CCT4: variants seen among roughly 807,000 people sequenced by gnomAD.
CCT4 encodes chaperonin containing TCP1 subunit 4, also known as T-complex protein 1 subunit delta.
Under a neutral mutation model 62.5 loss-of-function variants are expected in CCT4, and 17 were observed. The observed-to-expected ratio is 0.27, with a 90% CI of 0.19 to 0.41. CCT4 has a LOEUF of 0.41. CCT4 is among the 10% of genes least tolerant of loss of function. The pLI, the probability that CCT4 is intolerant of heterozygous loss-of-function variation, is 1.00. For synonymous variants in CCT4, 250 were observed against 229.9 expected, an observed-to-expected ratio of 1.09 and a Z score of -0.79; for missense variants, 592 against 659.2, an observed-to-expected ratio of 0.90 and a Z score of 1.12.
At chr2:61,869,390 T>C (rs1208273235) in intron 13 of CCT4, 50 bp downstream of exon 13, 2 of 991,552 alleles carry the variant, frequency 2.0e-6, no homozygotes, top group Non-Finnish European at 3.2e-6. Context: ...CTTTAAAAAA[T>C]ATATGCCTTT....
At chr2:61,875,903 A>G (rs545843751) in intron 8 of CCT4, among the ~76,000 whole-genome samples, 192 bp downstream of exon 8, 1 of 152,320 alleles carries the variant, frequency 6.6e-6, no homozygotes, top group South Asian at 2.1e-4. Context: ...ATGATGGTAC[A>G]ATATTGAGGC....
At chr2:61,883,799 C>CGT (rs1669171900) in intron 2 of CCT4, among the ~76,000 whole-genome samples, 6 of 148,908 alleles carry the variant, frequency 4.0e-5, no homozygotes, top group Admixed American at 4.0e-4. Context: ...CACACACACA[C>CGT]ACACACACAC....
rs35177149 is a variant in CCT4 at position 61,879,439 on chromosome 2, AT to A, written c.380-429del. Among the ~76,000 whole-genome samples the A allele has an allele frequency of 3.7e-3, 383 of 103,526 alleles. 1 individual carries two copies. The highest frequency in any genetic ancestry group is 5.1e-3 in the Non-Finnish European group (252 of 49,822). The allele number at this position is 103,526 out of a possible 152,430, so 67.9% of individuals were successfully genotyped here. On this transcript the variant is annotated intron_variant, in intron 4 of 13. Transcript: ENST00000394440. ...ACCACACCCGGCTAATTTTTTTTGTATTTTTTTTTTTTTTTTTTGGTGGAGA... is the reference window on the plus strand; with the variant it reads ...ACCACACCCGGCTAATTTTTTTTGTATTTTTTTTTTTTTTTTTGGTGGAGA...
At chr2:61,874,685 G>A (rs1668960414) in intron 8 of CCT4, among the ~76,000 whole-genome samples, 1 of 151,952 alleles carries the variant, frequency 6.6e-6, no homozygotes, top group Admixed American at 6.6e-5. Context: ...ACTATGCAGA[G>A]CATTCCCCCA....
rs575288657 is a variant in CCT4 at position 61,873,421 on chromosome 2, T to TA, written c.918-129_918-128insT. On this transcript the variant is annotated intron_variant, in intron 8 of 13. Coordinates refer to ENST00000394440, the MANE Select transcript of CCT4 (RefSeq NM_006430.4). ...TATTTCTGAAGAAAAATGCTTTAGTTTACTAAGTTCGTAAGGTCAAAATTA... is the reference window on the plus strand; with the variant it reads ...TATTTCTGAAGAAAAATGCTTTAGTTATACTAAGTTCGTAAGGTCAAAATTA... The TA allele has an allele frequency of 4.1e-4, 244 of 590,196 alleles. 1 individual carries two copies. In the African/African-American group the frequency reaches 4.2e-3, roughly 10 times the overall value. The allele number at this position is 590,196 out of a possible 1,614,324, so 36.6% of individuals were successfully genotyped here.
chr2:61,883,621 A>G, intron 2 of CCT4, 73 bp from the exon 3 acceptor site: 1 of 750,986 alleles, frequency 1.3e-6, no homozygotes, highest in East Asian at 2.7e-5. Context: ...ACATTTCAAA[A>G]TAGAGAAGTT....
intron 1 of CCT4, among the ~76,000 whole-genome samples, chr2:61,885,544 G>A (rs1669231520): frequency 6.6e-6 from 1 of 152,040 alleles, no homozygotes; most frequent in Non-Finnish European, 1.5e-5. Context: ...TGGAGTAGCT[G>A]GGACTACAGG....
intron 1 of CCT4, 42 bp downstream of exon 1, chr2:61,888,339 C>T (rs748100590): frequency 2.5e-6 from 4 of 1,597,574 alleles, no homozygotes; most frequent in Non-Finnish European, 2.6e-6. Flanking sequence ...GAGCGCAGAG[C>T]ACAACCCCGC....
chr2:61,877,691 C>T (rs6721184), intron 5 of CCT4, among the ~76,000 whole-genome samples, 177 bp from the exon 6 acceptor site: 55,685 of 151,914 alleles, frequency 0.37, 10,958 homozygotes, highest in East Asian at 0.7. Flanking sequence ...CAGGTTGTCA[C>T]CAGGGGCACA....
chr2:61,877,322 T>C, intron 6 of CCT4, 71 bp downstream of exon 6: 3 of 1,432,312 alleles, frequency 2.1e-6, no homozygotes, highest in African/African-American at 2.9e-5. Context: ...CATCTAGGTG[T>C]TTTTATTTAT....
In CCT4 at chr2:61,885,087, G is replaced by GAAA. The variant is rs35876878; in HGVS notation, c.128-18_128-16dup. On this transcript the variant is annotated splice_polypyrimidine_tract_variant and intron_variant, in intron 1 of 13. Transcript: ENST00000394440. ...ATCAGCAACCGCTGCAGATGGGGGGGAAAAAAAAGAAAACAAATTAGAACT... is the reference window on the plus strand; with the variant it reads ...ATCAGCAACCGCTGCAGATGGGGGGGAAAAAAAAAAAGAAAACAAATTAGAACT... The GAAA allele has an allele frequency of 2.1e-4, 319 of 1,512,726 alleles. 1 individual carries two copies. The highest frequency in any genetic ancestry group is 3.5e-4 in the Middle Eastern group (2 of 5,696). The allele number at this position is 1,512,726 out of a possible 1,614,324, so 93.7% of individuals were successfully genotyped here.
intron 4 of CCT4, 32 bp from the exon 5 acceptor site, chr2:61,879,043 G>C (rs775225863): frequency 2.5e-5 from 38 of 1,531,608 alleles, no homozygotes; most frequent in Non-Finnish European, 2.9e-5. Flanking sequence ...TTATTTAATT[G>C]TAACAGGTAA....
In CCT4 at chr2:61,872,028, C is replaced by A. The variant is rs945194187; in HGVS notation, c.1491+54G>T. The A allele has an allele frequency of 2.4e-5, 31 of 1,291,678 alleles. 1 individual carries two copies. Among genetic ancestry groups the A allele is most frequent in the Middle Eastern group, 2.7e-4 (1 of 3,734 alleles). 80.0% of individuals were successfully genotyped at this position (1,291,678 alleles called of 1,614,324 possible). On this transcript the variant is annotated intron_variant, in intron 12 of 13. Transcript: ENST00000394440. ...TTCCATTCAACAGATGACTACAAAG[C>A]TTTTAATATTTTAAATTAATCAATA...
At chr2:61,870,889 C>G (rs927103977) in intron 12 of CCT4, among the ~76,000 whole-genome samples, 1 of 151,952 alleles carries the variant, frequency 6.6e-6, no homozygotes, top group African/African-American at 2.4e-5. Flanking sequence ...TGCACTGCAG[C>G]CTGGGCAACA....
Position 61,874,528 on chromosome 2 carries a change from T to G in CCT4, c.918-1235A>C, listed in dbSNP as rs140658892. 9.0e-3 allele frequency among the ~76,000 whole-genome samples: 1,362 copies of G among 151,942 alleles called. 19 individuals carry two copies. The highest frequency in any genetic ancestry group is 0.031 in the African/African-American group (1,287 of 41,428). ...CAGGAGGCTGAGGAAGGAAAACTGCTTGAACCTGGGAGGCAGAGGTTGCAG... is the reference window on the plus strand; with the variant it reads ...CAGGAGGCTGAGGAAGGAAAACTGCGTGAACCTGGGAGGCAGAGGTTGCAG... On this transcript the variant is annotated intron_variant, in intron 8 of 13. Transcript: ENST00000394440.
Position 61,883,773 on chromosome 2 carries a change from G to GACAGACACACACAC in CCT4, c.181-226_181-225insGTGTGTGTGTCTGT, listed in dbSNP as rs1216181852. The stretch of plus-strand genomic sequence containing the variant: ...GGTAATCTAAAAGTGAAGAAATGTA[G>GACAGACACACACAC]ACACACACACACACACACACACACA... On this transcript the variant is annotated intron_variant, in intron 2 of 13. Coordinates refer to ENST00000394440, the MANE Select transcript of CCT4 (RefSeq NM_006430.4). 2.6e-4 allele frequency among the ~76,000 whole-genome samples: 38 copies of GACAGACACACACAC among 143,938 alleles called. No individual in the cohort carries two copies. In the East Asian group the frequency reaches 4.8e-3, roughly 18 times the overall value. The allele number at this position is 143,938 out of a possible 152,430, so 94.4% of individuals were successfully genotyped here.
intron 8 of CCT4, among the ~76,000 whole-genome samples, chr2:61,874,624 A>AAAAG (rs1668958284): frequency 6.6e-6 from 1 of 151,930 alleles, no homozygotes; most frequent in African/African-American, 2.4e-5. Flanking sequence ...AAAAAAAAAA[A>AAAAG]GAAGGAAAAA....
At chr2:61,878,792 G>C in intron 5 of CCT4, 77 bp downstream of exon 5, 1 of 931,078 alleles carries the variant, frequency 1.1e-6, no homozygotes, top group Non-Finnish European at 1.6e-6. Context: ...TAGTATTTAT[G>C]TACCGTATAG....
intron 8 of CCT4, among the ~76,000 whole-genome samples, chr2:61,875,098 CA>C (rs1305123548): frequency 1.3e-5 from 2 of 149,566 alleles, no homozygotes; most frequent in Non-Finnish European, 3.0e-5. Flanking sequence ...ACCGAGATCG[CA>C]CCATTGATTC....
Sources: allele counts gnomAD v4.1 joint callset (sites outside exome capture counted in the v4.1 genomes callset), GRCh38; gene constraint gnomAD v4.1.1; transcripts MANE v1.5; gene names NCBI Gene and HGNC (gene_info 2026-07-23, HGNC 2026-07-21).